TCF7L2: variants seen among roughly 807,000 people sequenced by gnomAD.
The protein encoded by TCF7L2 is transcription factor 7-like 2.
In TCF7L2, 23 loss-of-function variants were observed where a neutral mutation model predicts 77.9. The observed-to-expected ratio is 0.30, with a 90% CI of 0.21 to 0.42. TCF7L2 has a LOEUF of 0.42. Ranked by LOEUF, TCF7L2 falls within the 10% of genes least tolerant of loss-of-function variation. The probability of loss-of-function intolerance (pLI) is 1.00; values close to 1 mark genes in which losing one functional copy is unlikely to be tolerated. For missense variants in TCF7L2, 654 were observed against 793.1 expected (o/e 0.82, Z 2.11); for synonymous variants, 413 against 340.2 (o/e 1.21, Z -2.36).
chr10:113,042,002 G>C (rs1376983134), intron 5 of TCF7L2, among the ~76,000 whole-genome samples: 1 of 152,188 alleles, frequency 6.6e-6, no homozygotes, highest in Non-Finnish European at 1.5e-5. Context: ...TGTGTTTGTG[G>C]CATAGGCTCT....
At chr10:113,081,344 G>A (rs2059300234) in intron 5 of TCF7L2, among the ~76,000 whole-genome samples, 1 of 152,302 alleles carries the variant, frequency 6.6e-6, no homozygotes, top group Middle Eastern at 3.4e-3. Flanking sequence ...GAGAAGGAGC[G>A]TACCTTTAGC....
chr10:112,955,214 A>G (rs1354313294), intron 3 of TCF7L2, among the ~76,000 whole-genome samples: 3 of 152,112 alleles, frequency 2.0e-5, no homozygotes, highest in Non-Finnish European at 2.9e-5. Flanking sequence ...TTAAATAGAG[A>G]ACAATAAAAT....
At chr10:112,967,902 T>C (rs1157202341) in intron 4 of TCF7L2, among the ~76,000 whole-genome samples, 1 of 152,232 alleles carries the variant, frequency 6.6e-6, no homozygotes, top group Non-Finnish European at 1.5e-5. Context: ...CCCAAAGTGC[T>C]GGGATTACAG....
At chr10:113,157,421 T>G (rs1025744658) in intron 11 of TCF7L2, among the ~76,000 whole-genome samples, 2 of 152,218 alleles carry the variant, frequency 1.3e-5, no homozygotes, top group Non-Finnish European at 2.9e-5. Context: ...CCCAGCCCAC[T>G]CAGCAGTTGT....
intron 5 of TCF7L2, among the ~76,000 whole-genome samples, chr10:113,084,481 C>T (rs556994471): frequency 6.6e-6 from 1 of 152,334 alleles, no homozygotes; most frequent in East Asian, 1.9e-4. Context: ...GGCCTGCTCA[C>T]ATCAAGGAGG....
At chr10:113,046,459 C>T (rs986719376) in intron 5 of TCF7L2, among the ~76,000 whole-genome samples, 3 of 152,212 alleles carry the variant, frequency 2.0e-5, no homozygotes, top group Admixed American at 2.0e-4. Flanking sequence ...AGAGTTCTAC[C>T]TTTAGGGAGC....
chr10:113,026,516 A>G (rs1022302763), intron 4 of TCF7L2, among the ~76,000 whole-genome samples: 2 of 152,140 alleles, frequency 1.3e-5, no homozygotes, highest in Admixed American at 6.5e-5. Context: ...CCAGCTCCAC[A>G]ATGGTGAATC....
At chr10:112,983,491 AAATT>A (rs1381884451) in intron 4 of TCF7L2, among the ~76,000 whole-genome samples, 1 of 150,718 alleles carries the variant, frequency 6.6e-6, no homozygotes, top group African/African-American at 2.4e-5. Context: ...ATAAATAAAT[AAATT>A]AATTAATTAA....
intron 4 of TCF7L2, among the ~76,000 whole-genome samples, chr10:112,995,650 T>G (rs1239451388): frequency 6.6e-6 from 1 of 152,180 alleles, no homozygotes; most frequent in Non-Finnish European, 1.5e-5. Flanking sequence ...TATCTTCTCC[T>G]AAGCCCACTA....
chr10:113,112,121 G>A (rs2063207972), intron 5 of TCF7L2, among the ~76,000 whole-genome samples: 1 of 152,234 alleles, frequency 6.6e-6, no homozygotes, highest in Non-Finnish European at 1.5e-5. Flanking sequence ...GCTCCACATG[G>A]CAGCAGGAAC....
Position 113,066,550 on chromosome 10 carries a change from G to C in TCF7L2, c.552+26424G>C, listed in dbSNP as rs112368619. On this transcript the variant is annotated intron_variant, in intron 5 of 13. Transcript: ENST00000627217. ...GTGTGCTTATATAATTTGAATAAAA[G>C]CTGTGCTGTTTGGAGCCCTAAACTT... Among the ~76,000 whole-genome samples, 658 of 152,232 alleles carry C rather than the reference G, an allele frequency of 4.3e-3. 3 individuals are homozygous for C. The highest frequency in any genetic ancestry group is 0.014 in the African/African-American group (585 of 41,542).
intron 4 of TCF7L2, among the ~76,000 whole-genome samples, chr10:113,008,182 G>A (rs1426850759): frequency 6.6e-6 from 1 of 152,146 alleles, no homozygotes; most frequent in African/African-American, 2.4e-5. Flanking sequence ...TTCATCCAAA[G>A]CTCTGTATGA....
intron 5 of TCF7L2, among the ~76,000 whole-genome samples, chr10:113,053,728 T>G (rs1591057689): frequency 1.3e-5 from 2 of 152,220 alleles, no homozygotes; most frequent in Non-Finnish European, 2.9e-5. Context: ...ATGGTAATAC[T>G]GGATGTTCAC....
Position 113,128,280 on chromosome 10 carries a change from TAAAAAAGA to T in TCF7L2, c.553-12902_553-12895del, listed in dbSNP as rs1459253447. 9.2e-4 allele frequency among the ~76,000 whole-genome samples: 140 copies of T among 152,280 alleles called. 1 individual carries two copies. The highest frequency in any genetic ancestry group is 3.1e-3 in the African/African-American group (128 of 41,558). On this transcript the variant is annotated intron_variant, in intron 5 of 13. Transcript: ENST00000627217. ...AAAGAGAGGCCACGGAGCAGTATTT[TAAAAAAGA>T]AGAAAAGAAGAAATGAAGAATTCCC...
At chr10:113,125,569 T>G (rs2065456487) in intron 5 of TCF7L2, 1 of 152,212 alleles carries the variant, frequency 6.6e-6, no homozygotes, top group African/African-American at 2.4e-5. Flanking sequence ...ATCTTGTCCC[T>G]GATGGATGAC....
At chr10:113,029,556 C>T (rs534142363) in intron 4 of TCF7L2, among the ~76,000 whole-genome samples, 145 of 96,432 alleles carry the variant, frequency 1.5e-3, no homozygotes, top group Non-Finnish European at 2.3e-3. Context: ...GATGGAATTT[C>T]GCTTTTGTGG....
intron 5 of TCF7L2, among the ~76,000 whole-genome samples, chr10:113,044,762 T>C (rs930455872): frequency 6.6e-6 from 1 of 152,068 alleles, no homozygotes; most frequent in Non-Finnish European, 1.5e-5. Flanking sequence ...AGGAAACACA[T>C]GTGTGAAGGT....
At chr10:112,987,069 G>T (rs565316495) in intron 4 of TCF7L2, among the ~76,000 whole-genome samples, 1 of 152,286 alleles carries the variant, frequency 6.6e-6, no homozygotes, top group South Asian at 2.1e-4. Flanking sequence ...CACTGGAAAC[G>T]ACAACCCGAG....
At chr10:113,123,809 G>T (rs148238517) in intron 5 of TCF7L2, among the ~76,000 whole-genome samples, 62 of 152,314 alleles carry the variant, frequency 4.1e-4, no homozygotes, top group African/African-American at 1.4e-3. Flanking sequence ...ACGTGCGTGT[G>T]AACAAATGGG....
Sources: allele counts gnomAD v4.1 joint callset (sites outside exome capture counted in the v4.1 genomes callset), GRCh38; gene constraint gnomAD v4.1.1; transcripts MANE v1.5; gene names NCBI Gene and HGNC (gene_info 2026-07-23, HGNC 2026-07-21).